RBFOX3: variants seen among roughly 807,000 people sequenced by gnomAD.
RBFOX3 encodes RNA binding protein fox-1 homolog 3.
In RBFOX3, 17 loss-of-function variants were observed where a neutral mutation model predicts 48.7. The ratio of observed to expected loss-of-function variants is 0.35; its 90% CI spans 0.24 to 0.52. RBFOX3 has a LOEUF of 0.52. Among genes scored for constraint, RBFOX3 ranks in the 20% least tolerant of loss-of-function variants. The probability of loss-of-function intolerance (pLI) is 0.94; values close to 1 mark genes in which losing one functional copy is unlikely to be tolerated. For missense variants in RBFOX3, 382 were observed against 497.5 expected (o/e 0.77, Z 2.21); for synonymous variants, 212 against 209.5 (o/e 1.01, Z -0.10).
chr17:79,262,503 G>A (rs993142918), intron 3 of RBFOX3, among the ~76,000 whole-genome samples: 4 of 148,512 alleles, frequency 2.7e-5, no homozygotes, highest in African/African-American at 1.0e-4. Context: ...TGATCACACA[G>A]GGACAAACTG....
intron 3 of RBFOX3, among the ~76,000 whole-genome samples, chr17:79,286,340 G>A (rs1000124789): frequency 3.9e-5 from 6 of 152,144 alleles, no homozygotes; most frequent in Admixed American, 6.5e-5. Flanking sequence ...CTTTCTCCAC[G>A]CCCCCGGCTG....
intron 2 of RBFOX3, among the ~76,000 whole-genome samples, chr17:79,342,731 G>C (rs1041882672): frequency 6.6e-6 from 1 of 152,148 alleles, no homozygotes; most frequent in Non-Finnish European, 1.5e-5. Context: ...TGAGAATAAT[G>C]GGGGAAAATC....
the RBFOX3 span, among the ~76,000 whole-genome samples, chr17:79,652,459 AG>A: frequency 6.7e-6 from 1 of 149,560 alleles, no homozygotes. Flanking sequence ...AGAAAGAGAG[AG>A]AGAGAGAGAG....
At chr17:79,395,445 G>A (rs1054198981) in intron 2 of RBFOX3, among the ~76,000 whole-genome samples, 3 of 152,206 alleles carry the variant, frequency 2.0e-5, no homozygotes, top group African/African-American at 2.4e-5. Flanking sequence ...AGCCACACAC[G>A]GCTCCATTTG....
intron 2 of RBFOX3, among the ~76,000 whole-genome samples, chr17:79,319,147 T>C (rs1014160882): frequency 6.6e-6 from 1 of 152,070 alleles, no homozygotes; most frequent in African/African-American, 2.4e-5. Context: ...CGGATTTCAT[T>C]ATAGTCAGGT....
In RBFOX3 at chr17:79,509,461, C is replaced by T. The variant is rs1029378568; in HGVS notation, c.-319-26863G>A. Among the ~76,000 whole-genome samples, 413 of 152,104 alleles carry T rather than the reference C, an allele frequency of 2.7e-3. 6 individuals are homozygous for T. The highest frequency in any genetic ancestry group is 0.02 in the Middle Eastern group (6 of 294). ...GACCTCACCTGCAGGTCCAGAAACA[C>T]TTGGGGAGCTTGGAAACTGACCGAT... On this transcript the variant is annotated intron_variant, in intron 1 of 14. Transcript: ENST00000693108.
In RBFOX3 at chr17:79,512,678, C is replaced by T. The variant is rs1301077152; in HGVS notation, c.-319-30080G>A. On this transcript the variant is annotated intron_variant, in intron 1 of 14. Coordinates refer to ENST00000693108, the MANE Select transcript of RBFOX3 (RefSeq NM_001350451.2). The stretch of plus-strand genomic sequence containing the variant: ...TGGCCAGGGGACACCCACCCGGATA[C>T]GTGTTACCATCGGGTACAGCCCCAT... 2.1e-4 allele frequency among the ~76,000 whole-genome samples: 23 copies of T among 108,816 alleles called. 1 individual carries two copies. Among genetic ancestry groups the T allele is most frequent in the African/African-American group, 6.9e-4 (17 of 24,514 alleles). 71.4% of individuals were successfully genotyped at this position (108,816 alleles called of 152,430 possible).
intron 3 of RBFOX3, among the ~76,000 whole-genome samples, chr17:79,239,958 C>T (rs2062127234): frequency 6.6e-6 from 1 of 152,190 alleles, no homozygotes; most frequent in Non-Finnish European, 1.5e-5. Flanking sequence ...TCATGTTCTC[C>T]CTTTCTGTCC....
At chr17:79,424,841 C>T (rs1214974444) in intron 2 of RBFOX3, among the ~76,000 whole-genome samples, 2 of 152,070 alleles carry the variant, frequency 1.3e-5, no homozygotes, top group Admixed American at 1.3e-4. Context: ...CATCTCTGCT[C>T]CTGGAAGGCA....
At chr17:79,270,897 G>T (rs923382611) in intron 3 of RBFOX3, among the ~76,000 whole-genome samples, 18 of 152,208 alleles carry the variant, frequency 1.2e-4, no homozygotes, top group African/African-American at 4.1e-4. Context: ...AGGCCGAGAG[G>T]TTCAGTCATT....
intron 2 of RBFOX3, among the ~76,000 whole-genome samples, chr17:79,348,761 G>T (rs541676109): frequency 6.6e-6 from 1 of 151,672 alleles, no homozygotes; most frequent in African/African-American, 2.4e-5. Context: ...TGTATTTTTA[G>T]TAGGGACGGG....
rs569332785 is a variant in RBFOX3 at position 79,274,598 on chromosome 17, C to T, written c.-74+33126G>A. On this transcript the variant is annotated intron_variant, in intron 3 of 14. Transcript: ENST00000693108. ...TCCTGGTCGTGGGGCTCAGGGAGCC[C>T]TGTGGTGCAGGGCTGGCTCTGTGGC... 4.5e-4 allele frequency among the ~76,000 whole-genome samples: 69 copies of T among 152,234 alleles called. No individual in the cohort carries two copies. In the Middle Eastern group the frequency reaches 0.02, roughly 45 times the overall value.
chr17:79,264,427 A>G (rs1210812451), intron 3 of RBFOX3, among the ~76,000 whole-genome samples: 1 of 149,214 alleles, frequency 6.7e-6, no homozygotes, highest in Non-Finnish European at 1.5e-5. Flanking sequence ...CTGTCCTCGA[A>G]CTCCTGGGCT....
chr17:79,424,425 T>TG, intron 2 of RBFOX3, among the ~76,000 whole-genome samples: 1 of 152,264 alleles, frequency 6.6e-6, no homozygotes, highest in Admixed American at 6.5e-5. Context: ...TGGCGGAGCC[T>TG]GCCCTAAGGT....
rs569196352 is a variant in RBFOX3 at position 79,506,198 on chromosome 17, T to G, written c.-319-23600A>C. 2.9e-3 allele frequency among the ~76,000 whole-genome samples: 439 copies of G among 152,350 alleles called. 10 individuals carry two copies. The South Asian group carries it at 0.047, about 16-fold the overall frequency. ...AGGGAATGCCCCCGGACATCTCCAC[T>G]TCTAGACTTTCCTCCATCAGAGCCA... On this transcript the variant is annotated intron_variant, in intron 1 of 14. Coordinates refer to ENST00000693108, the MANE Select transcript of RBFOX3 (RefSeq NM_001350451.2).
At chr17:79,344,657 C>G (rs904626066) in intron 2 of RBFOX3, among the ~76,000 whole-genome samples, 1 of 152,086 alleles carries the variant, frequency 6.6e-6, no homozygotes, top group African/African-American at 2.4e-5. Flanking sequence ...CAAGTTCAAG[C>G]GATTCTTGTG....
At position 79,442,238 on chromosome 17, in the gene RBFOX3, A is replaced by AGG. The variant is rs1568257940; in HGVS notation, c.-175+40215_-175+40216insCC. Among the ~76,000 whole-genome samples, 16 of 7,538 alleles carry AGG rather than the reference A, an allele frequency of 2.1e-3. 2 individuals are homozygous for AGG. The highest frequency in any genetic ancestry group is 0.014 in the South Asian group (2 of 140). The allele number at this position is 7,538 out of a possible 152,430, so 4.9% of individuals were successfully genotyped here. A position where few individuals can be genotyped will look rare whatever the true frequency, so the allele number is the denominator to read the frequency against. On this transcript the variant is annotated intron_variant, in intron 2 of 14. Coordinates refer to ENST00000693108, the MANE Select transcript of RBFOX3 (RefSeq NM_001350451.2). Reference sequence around the variant, plus strand: ...GGGAGAGAGAGAGAGAGAGAGAGAGAGAGAGAGAGAGAGAGAGAGAGAGAG... The same window carrying AGG: ...GGGAGAGAGAGAGAGAGAGAGAGAGAGGGAGAGAGAGAGAGAGAGAGAGAGAG...
chr17:79,484,243 A>G (rs4790051), intron 1 of RBFOX3, among the ~76,000 whole-genome samples: 21,571 of 152,214 alleles, frequency 0.14, 1,787 homozygotes, highest in East Asian at 0.43. Flanking sequence ...GTCACTGGAC[A>G]GAGTACCACC....
chr17:79,130,101 C>A (rs1434719897), intron 4 of RBFOX3, among the ~76,000 whole-genome samples: 1 of 152,172 alleles, frequency 6.6e-6, no homozygotes, highest in East Asian at 1.9e-4. Context: ...CTTGCTCCCA[C>A]CCCATCCAAC....
Sources: allele counts gnomAD v4.1 joint callset (sites outside exome capture counted in the v4.1 genomes callset), GRCh38; gene constraint gnomAD v4.1.1; transcripts MANE v1.5; gene names NCBI Gene and HGNC (gene_info 2026-07-23, HGNC 2026-07-21).